Variants in PRH1 observed in about 807,000 individuals in gnomAD.
PRH1 encodes the protein salivary acidic proline-rich phosphoprotein 1/2.
In PRH1, 7 loss-of-function variants were observed where a neutral mutation model predicts 7.9. That is an observed-to-expected ratio of 0.89 (90% confidence interval 0.50 to 1.67). PRH1 has a LOEUF of 1.67. Ranked by LOEUF, PRH1 falls within the 40% of genes most tolerant of loss-of-function variation. PRH1 has a pLI of 0.00. For synonymous variants in PRH1, 45 were observed against 80.8 expected (o/e 0.56, Z 2.38); for missense variants, 109 against 223.6 (o/e 0.49, Z 3.27).
chr12:11,038,399 T>A (rs149918234), intron 1 of PRH1, among the ~76,000 whole-genome samples: 1 of 152,384 alleles, frequency 6.6e-6, no homozygotes, highest in African/African-American at 2.4e-5. Flanking sequence ...ATCCCAGTTG[T>A]TATGATGATC....
intron 1 of PRH1, among the ~76,000 whole-genome samples, chr12:11,068,406 T>A (rs1591941868): frequency 6.6e-6 from 1 of 152,336 alleles, no homozygotes; most frequent in East Asian, 1.9e-4. Flanking sequence ...TAGCTCAAAT[T>A]TGTTCATTTT....
In PRH1 at chr12:11,092,905, T is replaced by C. The variant is rs1446834764; in HGVS notation, n.124-45717A>G. 2.6e-5 allele frequency among the ~76,000 whole-genome samples: 3 copies of C among 115,128 alleles called. 1 individual carries two copies. Among genetic ancestry groups the C allele is most frequent in the Non-Finnish European group, 6.2e-5 (3 of 48,762 alleles). 75.5% of individuals were successfully genotyped at this position (115,128 alleles called of 152,430 possible). On this transcript the variant is annotated intron_variant and non_coding_transcript_variant, in intron 1 of 4. Coordinates refer to the PRH1 transcript ENST00000541977. ...GAAATAACCATGGCATGTTAACTGA[T>C]GAGTTCAATGATCTCTTTATGGAAA... is the stretch of plus-strand genomic sequence containing the variant.
At chr12:11,077,851 AC>A in intron 1 of PRH1, 1 of 1,013,084 alleles carries the variant, frequency 9.9e-7, no homozygotes, top group Non-Finnish European at 1.5e-6. Context: ...CAACAGTATC[AC>A]CAGAACAACA....
intron 2 of PRH1, chr12:10,891,769 T>A (rs1343959957): frequency 2.0e-5 from 3 of 152,228 alleles, no homozygotes; most frequent in African/African-American, 7.2e-5. Flanking sequence ...AGGGATAAGA[T>A]GAGAAACTGA....
At chr12:10,906,587 T>C (rs1040250208) in intron 2 of PRH1, among the ~76,000 whole-genome samples, 11 of 152,176 alleles carry the variant, frequency 7.2e-5, no homozygotes, top group East Asian at 3.9e-4. Flanking sequence ...TGGGAGATAA[T>C]TGAATGATGG....
At chr12:10,984,540 G>C (rs1332647181) in intron 1 of PRH1, among the ~76,000 whole-genome samples, 1 of 151,976 alleles carries the variant, frequency 6.6e-6, no homozygotes. Context: ...TATTCTATGT[G>C]TTGTCTTTTA....
chr12:11,118,962 T>G (rs556690823), downstream of PRH1, among the ~76,000 whole-genome samples: 4 of 121,062 alleles, frequency 3.3e-5, no homozygotes, highest in African/African-American at 1.3e-4. Context: ...GCCACTGCAC[T>G]CCAGCCTGGA....
chr12:10,986,477 G>A, intron 1 of PRH1: 1 of 1,614,032 alleles, frequency 6.2e-7, no homozygotes, highest in Non-Finnish European at 8.5e-7. Flanking sequence ...TCACCAGAAT[G>A]ACACTCCTAA....
At chr12:10,934,919 A>G (rs1242020105) in intron 2 of PRH1, among the ~76,000 whole-genome samples, 5 of 152,202 alleles carry the variant, frequency 3.3e-5, no homozygotes, top group Non-Finnish European at 5.9e-5. Context: ...AATTGCATTA[A>G]AATTCAATGG....
chr12:11,060,827 G>C (rs963540555), intron 1 of PRH1, among the ~76,000 whole-genome samples: 12 of 152,192 alleles, frequency 7.9e-5, no homozygotes, highest in Admixed American at 3.9e-4. Flanking sequence ...AATTCATAAT[G>C]GAATAAAACC....
chr12:11,099,996 A>C (rs1945187798), intron 1 of PRH1, among the ~76,000 whole-genome samples: 1 of 152,178 alleles, frequency 6.6e-6, no homozygotes, highest in East Asian at 1.9e-4. Context: ...TCATGATGCA[A>C]CTAAATAAGA....
chr12:11,100,696 T>A (rs1945209912), intron 1 of PRH1, among the ~76,000 whole-genome samples: 1 of 152,242 alleles, frequency 6.6e-6, no homozygotes, highest in South Asian at 2.1e-4. Context: ...AAATGCTTTT[T>A]CTCATTCTTA....
At chr12:10,995,376 A>G (rs760456888) in intron 1 of PRH1, among the ~76,000 whole-genome samples, 1 of 152,176 alleles carries the variant, frequency 6.6e-6, no homozygotes, top group Non-Finnish European at 1.5e-5. Context: ...CTTAAGGTTT[A>G]GATAATATTG....
chr12:11,049,519 A>G (rs78511332), upstream of PRH1, among the ~76,000 whole-genome samples: 17 of 70,468 alleles, frequency 2.4e-4, no homozygotes, highest in Non-Finnish European at 3.3e-4. Context: ...TGTCTGTCTT[A>G]CTATATGCTG....
chr12:10,909,815 A>C (rs576660855), intron 2 of PRH1, among the ~76,000 whole-genome samples: 1 of 152,288 alleles, frequency 6.6e-6, no homozygotes, highest in African/African-American at 2.4e-5. Flanking sequence ...TACCTATGCT[A>C]TTTCAAAAGA....
intron 1 of PRH1, chr12:11,092,066 C>A (rs1446643052): frequency 6.5e-7 from 1 of 1,546,502 alleles, no homozygotes; most frequent in African/African-American, 1.4e-5. Flanking sequence ...CAAACCAACT[C>A]TGGAGACCGC....
chr12:11,130,125 T>TCC (rs1048586941), intron 1 of PRH1, among the ~76,000 whole-genome samples: 4 of 152,190 alleles, frequency 2.6e-5, no homozygotes, highest in African/African-American at 9.7e-5. Flanking sequence ...CATTCCAGCC[T>TCC]CAGGGACAGA....
intron 1 of PRH1, among the ~76,000 whole-genome samples, chr12:11,087,642 C>A (rs35672518): frequency 0.52 from 55,788 of 107,480 alleles, 22,451 homozygotes; most frequent in East Asian, 0.9. Flanking sequence ...ATATAATAAC[C>A]GCATTCCCTA....
At chr12:10,897,455 C>T (rs1359560282) in intron 2 of PRH1, among the ~76,000 whole-genome samples, 1 of 152,146 alleles carries the variant, frequency 6.6e-6, no homozygotes, top group Non-Finnish European at 1.5e-5. Context: ...CAAAAAGAAG[C>T]CATCCCTGCT....
Sources: gnomAD v4.1 joint callset for allele counts (sites outside exome capture counted in the v4.1 genomes callset) on GRCh38, gnomAD v4.1.1 for gene constraint, MANE v1.5 for transcripts, NCBI Gene and HGNC (gene_info 2026-07-23, HGNC 2026-07-21) for gene names.